ILRUN: variants seen among roughly 807,000 people sequenced by gnomAD.
ILRUN encodes inflammation and lipid regulator with UBA-like and NBR1-like domains.
Under a neutral mutation model 33.8 loss-of-function variants are expected in ILRUN, and 3 were observed. The observed-to-expected ratio is 0.09, with a 90% CI of 0.04 to 0.23. ILRUN has a LOEUF of 0.23. Ranked by LOEUF, ILRUN falls within the 10% of genes least tolerant of loss-of-function variation. The probability of loss-of-function intolerance (pLI) is 1.00; values close to 1 mark genes in which losing one functional copy is unlikely to be tolerated. For missense variants in ILRUN, 210 were observed against 375.1 expected, an observed-to-expected ratio of 0.56 and a Z score of 3.64; for synonymous variants, 124 against 138.9, an observed-to-expected ratio of 0.89 and a Z score of 0.75.
At chr6:34,680,625 G>C (rs944453356) in intron 1 of ILRUN, among the ~76,000 whole-genome samples, 2 of 151,966 alleles carry the variant, frequency 1.3e-5, no homozygotes, top group African/African-American at 4.8e-5. Context: ...GCTAAATTTT[G>C]TATTTTTAGT....
chr6:34,689,629 T>C (rs779224623), intron 1 of ILRUN, among the ~76,000 whole-genome samples: 7 of 151,962 alleles, frequency 4.6e-5, no homozygotes, highest in African/African-American at 1.7e-4. Context: ...AACCACAGCA[T>C]AGATGAGAAA....
chr6:34,658,224 T>C (rs2127368335), intron 1 of ILRUN, among the ~76,000 whole-genome samples: 1 of 151,684 alleles, frequency 6.6e-6, no homozygotes, highest in East Asian at 2.0e-4. Context: ...TGCATGCCTG[T>C]AATGAGCTAC....
At chr6:34,688,846 G>A (rs1007892807) in intron 1 of ILRUN, among the ~76,000 whole-genome samples, 5 of 151,652 alleles carry the variant, frequency 3.3e-5, no homozygotes, top group South Asian at 2.1e-4. Context: ...TTTACATGAC[G>A]TATCCACGGG....
intron 4 of ILRUN, among the ~76,000 whole-genome samples, chr6:34,606,251 A>G (rs1451650395): frequency 2.6e-5 from 4 of 152,222 alleles, no homozygotes; most frequent in Non-Finnish European, 5.9e-5. Context: ...TAATTGAGCA[A>G]CATTGTTTCT....
At chr6:34,643,071 A>C (rs1423923933) in intron 3 of ILRUN, among the ~76,000 whole-genome samples, 1 of 151,964 alleles carries the variant, frequency 6.6e-6, no homozygotes, top group Non-Finnish European at 1.5e-5. Context: ...CAAGGTGGGC[A>C]GATCACCTGA....
intron 3 of ILRUN, among the ~76,000 whole-genome samples, chr6:34,625,183 C>G (rs897831895): frequency 6.6e-6 from 1 of 152,104 alleles, no homozygotes; most frequent in Non-Finnish European, 1.5e-5. Context: ...CTCCTCCCCC[C>G]TTCCCCTCTT....
chr6:34,663,190 G>A (rs746161819), intron 1 of ILRUN, among the ~76,000 whole-genome samples: 7 of 152,184 alleles, frequency 4.6e-5, no homozygotes, highest in Non-Finnish European at 8.8e-5. Context: ...GGGTGGCTGA[G>A]GCAAGAGGAG....
At chr6:34,669,734 CAT>C (rs1248461195) in intron 1 of ILRUN, among the ~76,000 whole-genome samples, 3 of 152,050 alleles carry the variant, frequency 2.0e-5, no homozygotes, top group African/African-American at 7.3e-5. Context: ...ATTAACATAA[CAT>C]AAATAAGTAA....
chr6:34,677,984 G>A (rs1763273260), intron 1 of ILRUN, among the ~76,000 whole-genome samples: 1 of 149,092 alleles, frequency 6.7e-6, no homozygotes, highest in Non-Finnish European at 1.5e-5. Flanking sequence ...TGCGATTACA[G>A]GTGTGCACCA....
At chr6:34,684,100 G>A (rs1763465264) in intron 1 of ILRUN, among the ~76,000 whole-genome samples, 1 of 151,506 alleles carries the variant, frequency 6.6e-6, no homozygotes, top group African/African-American at 2.4e-5. Context: ...AAAAAACCAG[G>A]ACATTTCCTA....
In ILRUN at chr6:34,649,885, T is replaced by A. The variant is rs563095469; in HGVS notation, c.314-3087A>T. Among the ~76,000 whole-genome samples, 3 of 152,302 alleles carry A rather than the reference T, an allele frequency of 2.0e-5. No individual in the cohort carries two copies. The South Asian group carries it at 6.2e-4, about 32-fold the overall frequency. On this transcript the variant is annotated intron_variant, in intron 2 of 4. Coordinates refer to ENST00000374023, the MANE Select transcript of ILRUN (RefSeq NM_024294.4). ...AGAAGCAAAATTATCTTCTCTAGAA[T>A]CATACTGAAGAGAAAGGTAGAAAGC... is the stretch of plus-strand genomic sequence containing the variant.
intron 2 of ILRUN, among the ~76,000 whole-genome samples, chr6:34,651,000 C>T (rs1762655896): frequency 6.6e-6 from 1 of 152,136 alleles, no homozygotes; most frequent in African/African-American, 2.4e-5. Context: ...GCCTGCCCTA[C>T]TTCCATGTTA....
At chr6:34,683,490 A>ATATATACG (rs1763442874) in intron 1 of ILRUN, among the ~76,000 whole-genome samples, 9 of 86,894 alleles carry the variant, frequency 1.0e-4, no homozygotes, top group African/African-American at 5.5e-4. Context: ...ATATATACAT[A>ATATATACG]TATATATACA....
At chr6:34,650,407 T>A (rs866431487) in intron 2 of ILRUN, among the ~76,000 whole-genome samples, 250 of 141,490 alleles carry the variant, frequency 1.8e-3, no homozygotes, top group South Asian at 5.0e-3. Context: ...ATTTATTTAT[T>A]TTTATTTATT....
At chr6:34,606,998 A>G (rs1194902851) in intron 3 of ILRUN, 94 bp from the exon 4 acceptor site, 2 of 906,800 alleles carry the variant, frequency 2.2e-6, no homozygotes, top group Non-Finnish European at 3.3e-6. Flanking sequence ...TCCAAACCAC[A>G]GAATGAAACA....
At chr6:34,608,204 G>A (rs1253373809) in intron 3 of ILRUN, among the ~76,000 whole-genome samples, 1 of 151,972 alleles carries the variant, frequency 6.6e-6, no homozygotes, top group African/African-American at 2.4e-5. Flanking sequence ...GACCAGCCTG[G>A]CCAACATAGT....
intron 3 of ILRUN, among the ~76,000 whole-genome samples, chr6:34,624,193 G>A (rs1488441872): frequency 6.6e-6 from 1 of 152,062 alleles, no homozygotes; most frequent in Non-Finnish European, 1.5e-5. Flanking sequence ...GGTACATCTT[G>A]ATATCTGTGA....
intron 1 of ILRUN, among the ~76,000 whole-genome samples, chr6:34,684,830 A>G (rs528726786): frequency 2.6e-5 from 4 of 152,198 alleles, no homozygotes; most frequent in Non-Finnish European, 5.9e-5. Flanking sequence ...AAAGCAGAAT[A>G]TTCACTACAA....
rs563856252 is a variant in ILRUN, at chr6:34,678,069, G to A, written c.158+18377C>T. On this transcript the variant is annotated intron_variant, in intron 1 of 4. Transcript: ENST00000374023. The stretch of plus-strand genomic sequence containing the variant: ...TTTTAATTTTATTTTTTGAGATGGA[G>A]TCTTGCTTTGTCACCCAGGCTGAAG... 2.6e-5 allele frequency among the ~76,000 whole-genome samples: 4 copies of A among 152,084 alleles called. No homozygotes were observed. The South Asian group carries it at 8.3e-4, about 32-fold the overall frequency.
Sources: allele counts gnomAD v4.1 joint callset (sites outside exome capture counted in the v4.1 genomes callset), GRCh38; gene constraint gnomAD v4.1.1; transcripts MANE v1.5; gene names NCBI Gene and HGNC (gene_info 2026-07-23, HGNC 2026-07-21).